PRKN: variants seen among roughly 807,000 people sequenced by gnomAD.
PRKN encodes E3 ubiquitin-protein ligase parkin.
In PRKN, 56 loss-of-function variants were observed where a neutral mutation model predicts 59.5. That is an observed-to-expected ratio of 0.94 (90% CI 0.76 to 1.18). PRKN has a LOEUF of 1.18. Ranked by LOEUF, PRKN falls within the 50% of genes most tolerant of loss-of-function variation. The probability of loss-of-function intolerance (pLI) is 0.00; values close to 1 mark genes in which losing one functional copy is unlikely to be tolerated. For synonymous variants in PRKN, 250 were observed against 222.1 expected (o/e 1.13, Z -1.12); for missense variants, 657 against 596.4 (o/e 1.10, Z -1.06).
intron 6 of PRKN, among the ~76,000 whole-genome samples, chr6:161,935,651 A>T (rs141066318): frequency 1.7e-3 from 256 of 152,270 alleles, no homozygotes; most frequent in African/African-American, 6.0e-3. Context: ...AAATCCAAGC[A>T]ACTTACAGTG....
Position 161,396,904 on chromosome 6 carries a change from G to T in PRKN, c.1084-10027C>A, listed in dbSNP as rs1340016358. Among the ~76,000 whole-genome samples the T allele has an allele frequency of 6.6e-6, 1 of 152,158 alleles. No homozygotes were observed. ...CTGCCAGCACATCTTACAGACTTTT[G>T]TCTTTGGAGGTTTTGCAGCTCCTCA... is the stretch of plus-strand genomic sequence containing the variant. On this transcript the variant is annotated intron_variant, in intron 9 of 11. Coordinates refer to ENST00000366898, the MANE Select transcript of PRKN (RefSeq NM_004562.3). This position sits in a 1 kb window ranked among gnomAD's most constrained non-coding sequence, Gnocchi z 5.4.
chr6:162,269,449 C>T (rs1327020910), intron 2 of PRKN, among the ~76,000 whole-genome samples: 1 of 152,184 alleles, frequency 6.6e-6, no homozygotes, highest in Non-Finnish European at 1.5e-5. Flanking sequence ...AGGCCTGCAG[C>T]CTCAGTTTTC....
intron 4 of PRKN, among the ~76,000 whole-genome samples, chr6:162,126,441 T>G (rs555335702): frequency 6.6e-6 from 1 of 152,358 alleles, no homozygotes; most frequent in African/African-American, 2.4e-5. Context: ...TTAACAACCC[T>G]TCTTCACTTA....
At chr6:162,378,299 G>A (rs1445528789) in intron 2 of PRKN, among the ~76,000 whole-genome samples, 4 of 152,134 alleles carry the variant, frequency 2.6e-5, no homozygotes, top group Admixed American at 6.5e-5. Context: ...TCTGTCTCTC[G>A]TTCTTCCTAA....
chr6:161,848,746 G>A (rs950389989), intron 6 of PRKN, among the ~76,000 whole-genome samples: 2 of 152,166 alleles, frequency 1.3e-5, no homozygotes, highest in Non-Finnish European at 2.9e-5. Flanking sequence ...GATGGTTTTG[G>A]TGTTTCCGAA....
intron 1 of PRKN, among the ~76,000 whole-genome samples, chr6:162,444,263 C>T (rs1790200692): frequency 6.6e-6 from 1 of 151,958 alleles, no homozygotes. Flanking sequence ...TCATAATAGC[C>T]CCCAACTGGA....
At chr6:162,225,150 G>C (rs1334268611) in intron 3 of PRKN, among the ~76,000 whole-genome samples, 1 of 152,148 alleles carries the variant, frequency 6.6e-6, no homozygotes, top group African/African-American at 2.4e-5. Flanking sequence ...TGAGTGAGCA[G>C]GTGCAAAAGA....
At position 161,560,594 on chromosome 6, in the gene PRKN, T is replaced by G. The variant is rs1471651980; in HGVS notation, c.933+8761A>C. Among the ~76,000 whole-genome samples the G allele has an allele frequency of 6.6e-6, 1 of 152,120 alleles. No homozygotes were observed. Among genetic ancestry groups the G allele is most frequent in the Admixed American group, 6.5e-5 (1 of 15,280 alleles). ...GCCACCATCAATCTATTCTTTCTGTTTTACCTTCTCATCCTGCTGACCTTT... is the reference window on the plus strand; with the variant it reads ...GCCACCATCAATCTATTCTTTCTGTGTTACCTTCTCATCCTGCTGACCTTT... On this transcript the variant is annotated intron_variant, in intron 8 of 11. Transcript: ENST00000366898. The surrounding 1 kb of genome is among the most constrained non-coding windows in gnomAD (Gnocchi z 4.9).
intron 2 of PRKN, among the ~76,000 whole-genome samples, chr6:162,391,069 G>A (rs191111041): frequency 6.6e-6 from 1 of 152,270 alleles, no homozygotes; most frequent in East Asian, 1.9e-4. Flanking sequence ...GTAAACTCAC[G>A]TGGAAACTAT....
At chr6:162,400,920 G>A (rs779195061) in intron 2 of PRKN, among the ~76,000 whole-genome samples, 4 of 152,042 alleles carry the variant, frequency 2.6e-5, no homozygotes, top group African/African-American at 7.2e-5. Flanking sequence ...CAAAAATAAC[G>A]TGTTATTAAT....
At chr6:161,798,665 T>C (rs1790952609) in intron 6 of PRKN, among the ~76,000 whole-genome samples, 2 of 152,298 alleles carry the variant, frequency 1.3e-5, no homozygotes, top group South Asian at 4.1e-4. Flanking sequence ...GGGAGACTTA[T>C]GAGAGGGAGA....
At chr6:161,807,741 T>A (rs1467218016) in intron 6 of PRKN, among the ~76,000 whole-genome samples, 1 of 152,150 alleles carries the variant, frequency 6.6e-6, no homozygotes, top group Admixed American at 6.6e-5. Context: ...TCCCCTTGTC[T>A]CTCGTCCTAT....
rs568148478 is a variant in PRKN, at chr6:162,609,699, T to G, written c.7+117963A>C. Among the ~76,000 whole-genome samples the G allele has an allele frequency of 5.9e-5, 9 of 152,344 alleles. No homozygotes were observed. In the South Asian group the frequency reaches 1.7e-3, roughly 28 times the overall value. ...TACATTATTCTTTATGAAAATTGAC[T>G]ACTATATTTAAAACACATAAAATAC... is the stretch of plus-strand genomic sequence containing the variant. On this transcript the variant is annotated intron_variant, in intron 1 of 11. Transcript: ENST00000366898.
At chr6:161,961,748 C>T (rs1047707288) in intron 6 of PRKN, among the ~76,000 whole-genome samples, 115 of 152,158 alleles carry the variant, frequency 7.6e-4, no homozygotes, top group African/African-American at 2.1e-3. Context: ...TCTTGAGCCA[C>T]GGATGAACTC....
intron 3 of PRKN, among the ~76,000 whole-genome samples, chr6:162,244,861 A>G (rs769482777): frequency 6.6e-6 from 1 of 152,092 alleles, no homozygotes; most frequent in Non-Finnish European, 1.5e-5. Flanking sequence ...TCTTTTAGCT[A>G]TGACAGTTTG....
chr6:162,615,052 T>C (rs1191993910), intron 1 of PRKN, among the ~76,000 whole-genome samples: 1 of 152,158 alleles, frequency 6.6e-6, no homozygotes, highest in Admixed American at 6.6e-5. Flanking sequence ...CATTATGTCT[T>C]AATGAGAGGA....
intron 2 of PRKN, among the ~76,000 whole-genome samples, chr6:162,389,019 A>AAC (rs1554312391): frequency 3.3e-5 from 5 of 149,934 alleles, no homozygotes; most frequent in South Asian, 2.1e-4. Context: ...AAAAAAAAAA[A>AAC]AAAAACAAAA....
intron 1 of PRKN, among the ~76,000 whole-genome samples, chr6:162,693,967 G>A (rs1404468320): frequency 6.6e-6 from 1 of 152,104 alleles, no homozygotes; most frequent in Non-Finnish European, 1.5e-5. Context: ...TGTTGAAGAG[G>A]TCAGGCACGG....
chr6:162,705,272 C>T (rs932473510), intron 1 of PRKN, among the ~76,000 whole-genome samples: 2 of 152,158 alleles, frequency 1.3e-5, no homozygotes, highest in Admixed American at 6.5e-5. Context: ...ATCCCCTTTA[C>T]TGTTTCAGAA....
Sources: allele counts gnomAD v4.1 joint callset (sites outside exome capture counted in the v4.1 genomes callset), GRCh38; gene constraint gnomAD v4.1.1; non-coding constraint Gnocchi (gnomAD v3.1); transcripts MANE v1.5; gene names NCBI Gene and HGNC (gene_info 2026-07-23, HGNC 2026-07-21).